Variants in BIN1 observed in about 807,000 individuals in gnomAD.
BIN1 encodes bridging integrator 1, also known as myc box-dependent-interacting protein 1.
Under a neutral mutation model 82.0 loss-of-function variants are expected in BIN1, and 53 were observed. The observed-to-expected ratio is 0.65, with a 90% CI of 0.52 to 0.81. BIN1 has a LOEUF of 0.81. Ranked by LOEUF, BIN1 falls within the 40% of genes least tolerant of loss-of-function variation. BIN1 has a pLI of 0.00. For synonymous variants in BIN1, 302 were observed against 328.0 expected (o/e 0.92, Z 0.86); for missense variants, 642 against 784.4 (o/e 0.82, Z 2.17).
Position 127,064,741 on chromosome 2 carries a change from C to A in BIN1, c.613-723G>T, listed in dbSNP as rs79110706. On this transcript the variant is annotated intron_variant, in intron 7 of 18. Transcript: ENST00000316724. ...CTCCTAGCCCACACCTTCCCCAGGG[C>A]AGGCCCTGCATCCTCCAGGCACTCA... 717 of 158,194 alleles carry A rather than the reference C, an allele frequency of 4.5e-3. 6 individuals are homozygous for A. The highest frequency in any genetic ancestry group is 0.017 in the African/African-American group (691 of 41,648). The allele number at this position is 158,194 out of a possible 1,614,324, so 9.8% of individuals were successfully genotyped here.
intron 2 of BIN1, among the ~76,000 whole-genome samples, chr2:127,075,504 G>A (rs954182284): frequency 6.6e-6 from 1 of 152,176 alleles, no homozygotes; most frequent in African/African-American, 2.4e-5. Context: ...CTGCCACAGG[G>A]TCTACCTGGG....
rs1685412364 is a variant in BIN1, at chr2:127,068,317, C to CA, written c.520-63dup. 1 of 1,356,600 alleles carries CA rather than the reference C, an allele frequency of 7.4e-7. No individual in the cohort carries two copies. The highest frequency in any genetic ancestry group is 1.4e-5 in the African/African-American group (1 of 70,188). 84.0% of individuals were successfully genotyped at this position (1,356,600 alleles called of 1,614,324 possible). On this transcript the variant is annotated intron_variant, in intron 6 of 18. Transcript: ENST00000316724. This position sits in a 1 kb window ranked among gnomAD's most constrained non-coding sequence, Gnocchi z 4.9. ...GACCAGGGAGGTGGGGAGAGAGAAA[C>CA]AGAGACACACAGATTAAATGCAGGT...
chr2:127,104,852 C>A (rs946443796), intron 1 of BIN1, among the ~76,000 whole-genome samples: 5 of 152,186 alleles, frequency 3.3e-5, no homozygotes, highest in Non-Finnish European at 5.9e-5. Context: ...GAGACCTGGC[C>A]TGGATGCCTG....
In BIN1 at chr2:127,093,106, G is replaced by A. The variant is rs918735297; in HGVS notation, c.84+13754C>T. On this transcript the variant is annotated intron_variant, in intron 1 of 18. Transcript: ENST00000316724. The surrounding 1 kb of genome is among the most constrained non-coding windows in gnomAD (Gnocchi z 5.7). ...CGCTAGGGCTGTCCACAGAGAGAGG[G>A]GTCAGGGAGGGAGGGCGGAAGGGGA... Among the ~76,000 whole-genome samples, 10 of 151,708 alleles carry A rather than the reference G, an allele frequency of 6.6e-5. No homozygotes were observed. The highest frequency in any genetic ancestry group is 1.3e-4 in the Admixed American group (2 of 15,282).
At position 127,067,058 on chromosome 2, in the gene BIN1, G is replaced by C. The variant is rs898389146; in HGVS notation, c.612+1105C>G. Reference sequence around the variant, plus strand: ...TGCACTCCAGCCAGGGGAACGGAGAGAAACCCGTTCAAAAAAAAAAAAAAA... The same window carrying C: ...TGCACTCCAGCCAGGGGAACGGAGACAAACCCGTTCAAAAAAAAAAAAAAA... On this transcript the variant is annotated intron_variant, in intron 7 of 18. Transcript: ENST00000316724. The surrounding 1 kb of genome is among the most constrained non-coding windows in gnomAD (Gnocchi z 4.7). Among the ~76,000 whole-genome samples the C allele has an allele frequency of 2.3e-5, 3 of 130,752 alleles. No individual in the cohort carries two copies. The highest frequency in any genetic ancestry group is 4.7e-5 in the Non-Finnish European group (3 of 63,976). The allele number at this position is 130,752 out of a possible 152,430, so 85.8% of individuals were successfully genotyped here.
chr2:127,084,679 G>A (rs539416458), intron 1 of BIN1, among the ~76,000 whole-genome samples: 9 of 152,360 alleles, frequency 5.9e-5, no homozygotes, highest in Admixed American at 1.3e-4. Context: ...GCTCTGCAGC[G>A]AAGAAGCGAC....
In BIN1 at chr2:127,053,427, A is replaced by G; in HGVS notation, c.1258T>C (p.Trp420Arg). Residue 420 changes from tryptophan (W) to arginine (R), a missense_variant, in exon 14 of 19, where the codon TGG becomes CGG. Trp to Arg is a moderately radical substitution (Grantham distance 101, BLOSUM62 -3). Coordinates refer to ENST00000316724, the MANE Select transcript of BIN1 (RefSeq NM_139343.3). ...PSGQSIPWDL[W>R]EPTESPAGSL... ...AGAGCAGACGTGCAGCTTACCTCCCAGAGGTCCCATGGAATTGACTGAGCG... is the reference window on the plus strand; with the variant it reads ...AGAGCAGACGTGCAGCTTACCTCCCGGAGGTCCCATGGAATTGACTGAGCG... 1.9e-6 allele frequency: 3 copies of G among 1,614,000 alleles called. No homozygotes were observed. Among genetic ancestry groups the G allele is most frequent in the Non-Finnish European group, 2.5e-6 (3 of 1,179,916 alleles).
chr2:127,086,267 G>A (rs1261708801), intron 1 of BIN1, among the ~76,000 whole-genome samples: 2 of 152,178 alleles, frequency 1.3e-5, no homozygotes, highest in East Asian at 1.9e-4. Context: ...CCAAACTGGG[G>A]CACACAGACA....
chr2:127,076,903 T>C (rs764822189), intron 1 of BIN1, among the ~76,000 whole-genome samples, 197 bp from the exon 2 acceptor site: 7 of 152,016 alleles, frequency 4.6e-5, no homozygotes, highest in Non-Finnish European at 8.8e-5. Flanking sequence ...CCCCACCCTC[T>C]ACCCAGGGCT....
chr2:127,073,194 C>T (rs891470522), intron 2 of BIN1, among the ~76,000 whole-genome samples: 5 of 152,254 alleles, frequency 3.3e-5, no homozygotes, highest in Non-Finnish European at 7.3e-5. Flanking sequence ...CCCACTGCAG[C>T]TGGCTTCCTA....
intron 1 of BIN1, among the ~76,000 whole-genome samples, chr2:127,083,753 A>AT (rs1235579597): frequency 1.3e-5 from 2 of 151,766 alleles, no homozygotes; most frequent in African/African-American, 4.8e-5. Flanking sequence ...AATGTTATCC[A>AT]TTTTTTTTCT....
At position 127,068,302 on chromosome 2, in the gene BIN1, G is replaced by A. The variant is rs764275417; in HGVS notation, c.520-47C>T. 3.3e-6 allele frequency: 5 copies of A among 1,495,196 alleles called. No homozygotes were observed. The African/African-American group carries it at 6.9e-5, about 21-fold the overall frequency. 92.6% of individuals were successfully genotyped at this position (1,495,196 alleles called of 1,614,324 possible). A position where few individuals can be genotyped will look rare whatever the true frequency, so the allele number is the denominator to read the frequency against. On this transcript the variant is annotated intron_variant, in intron 6 of 18. Coordinates refer to ENST00000316724, the MANE Select transcript of BIN1 (RefSeq NM_139343.3). The surrounding 1 kb of genome is among the most constrained non-coding windows in gnomAD (Gnocchi z 4.9). ...AAAGGAAGGTGGAGAGACCAGGGAG[G>A]TGGGGAGAGAGAAACAGAGACACAC...
At position 127,075,807 on chromosome 2, in the gene BIN1, C is replaced by T. The variant is rs1297863404; in HGVS notation, c.165+819G>A. Reference sequence around the variant, plus strand: ...TCCCGGCCCTCCCAGCTGCCCCCCCCACCGCCCTCTCCCAGAATGCTCCCC... The same window carrying T: ...TCCCGGCCCTCCCAGCTGCCCCCCCTACCGCCCTCTCCCAGAATGCTCCCC... On this transcript the variant is annotated intron_variant, in intron 2 of 18. Transcript: ENST00000316724. 1.1e-4 allele frequency among the ~76,000 whole-genome samples: 14 copies of T among 124,822 alleles called. 1 individual carries two copies. Among genetic ancestry groups the T allele is most frequent in the African/African-American group, 3.1e-4 (10 of 31,860 alleles). The allele number at this position is 124,822 out of a possible 152,430, so 81.9% of individuals were successfully genotyped here.
intron 7 of BIN1, among the ~76,000 whole-genome samples, chr2:127,065,574 G>C (rs1393411430): frequency 1.3e-5 from 2 of 152,138 alleles, no homozygotes; most frequent in Admixed American, 6.5e-5. Context: ...ACTGCCAACA[G>C]TGGGTCTAAA....
rs12466852 is a variant in BIN1, at chr2:127,050,278, C to T, written c.1674+143G>A. On this transcript the variant is annotated intron_variant, in intron 18 of 18. Coordinates refer to ENST00000316724, the MANE Select transcript of BIN1 (RefSeq NM_139343.3). ...AGAGGAAAAAGCCCGACGTGGAGGG[C>T]GGGGAGGAGCAGTTGGCGCGGGAGC... The T allele has an allele frequency of 0.046, 35,943 of 785,660 alleles. 1,799 individuals are homozygous for T. Among genetic ancestry groups the T allele is most frequent in the Admixed American group, 0.15 (7,239 of 49,004 alleles). The allele number at this position is 785,660 out of a possible 1,614,324, so 48.7% of individuals were successfully genotyped here.
rs892449811 is a variant in BIN1 at position 127,090,954 on chromosome 2, G to A, written c.85-14248C>T. ...CAGGAGCTGACTTGTTCTTCTGGAT[G>A]CCTTCAGGTTCTTACACGTCTGTTC... is the stretch of plus-strand genomic sequence containing the variant. On this transcript the variant is annotated intron_variant, in intron 1 of 18. Coordinates refer to ENST00000316724, the MANE Select transcript of BIN1 (RefSeq NM_139343.3). This position sits in a 1 kb window ranked among gnomAD's most constrained non-coding sequence, Gnocchi z 6.4. Among the ~76,000 whole-genome samples the A allele has an allele frequency of 6.6e-6, 1 of 152,186 alleles. No homozygotes were observed. The highest frequency in any genetic ancestry group is 2.4e-5 in the African/African-American group (1 of 41,454).
In BIN1 at chr2:127,070,933, T is replaced by G. The variant is rs567024248; in HGVS notation, c.166-117A>C. On this transcript the variant is annotated intron_variant, in intron 2 of 18. Coordinates refer to ENST00000316724, the MANE Select transcript of BIN1 (RefSeq NM_139343.3). ...AGGCTGCTCTCCTGACAGCAGCCAC[T>G]GATCAGCTGACCTCCCAACAGGACA... 13 of 1,027,108 alleles carry G rather than the reference T, an allele frequency of 1.3e-5. No individual in the cohort carries two copies. In the African/African-American group the frequency reaches 1.9e-4, roughly 15 times the overall value. The allele number at this position is 1,027,108 out of a possible 1,614,324, so 63.6% of individuals were successfully genotyped here. A position where few individuals can be genotyped will look rare whatever the true frequency, so the allele number is the denominator to read the frequency against.
chr2:127,058,874 C>A, intron 11 of BIN1, 137 bp downstream of exon 11: 2 of 1,346,548 alleles, frequency 1.5e-6, no homozygotes, highest in Non-Finnish European at 2.0e-6. Context: ...CAGGCCCAAC[C>A]CCCACTGGGC....
At chr2:127,052,670 G>A (rs1036702470) in intron 14 of BIN1, 3 of 425,290 alleles carry the variant, frequency 7.1e-6, no homozygotes, top group Non-Finnish European at 1.3e-5. Flanking sequence ...AAATCCTGCG[G>A]TGGAGCCTCC....
Sources: gnomAD v4.1 joint callset for allele counts (sites outside exome capture counted in the v4.1 genomes callset) on GRCh38, gnomAD v4.1.1 for gene constraint, Gnocchi (gnomAD v3.1) non-coding constraint, MANE v1.5 for transcripts, NCBI Gene and HGNC (gene_info 2026-07-23, HGNC 2026-07-21) for gene names.